Variants in RANBP2 observed in about 807,000 individuals in gnomAD.
RANBP2 encodes the protein E3 SUMO-protein ligase RanBP2.
Under a neutral mutation model 303.6 loss-of-function variants are expected in RANBP2, and 57 were observed. The observed-to-expected ratio is 0.19, with a 90% CI of 0.15 to 0.23. The LOEUF (loss-of-function observed/expected upper bound fraction) is 0.23, where lower values mean the gene tolerates loss of function less well. Among genes scored for constraint, RANBP2 ranks in the 10% least tolerant of loss-of-function variants. The pLI, the probability that RANBP2 is intolerant of heterozygous loss-of-function variation, is 1.00. For synonymous variants in RANBP2, 1,167 were observed against 1,301.5 expected, an observed-to-expected ratio of 0.90 and a Z score of 2.23; for missense variants, 3,138 against 3,780.8, an observed-to-expected ratio of 0.83 and a Z score of 4.46.
At chr2:109,445,561 A>C in the RANBP2 span, among the ~76,000 whole-genome samples, 2 of 152,236 alleles carry the variant, frequency 1.3e-5, no homozygotes, top group African/African-American at 4.8e-5. Flanking sequence ...AAAGAGGACA[A>C]GGTATAGAAG....
chr2:109,040,145 G>A, the RANBP2 span, among the ~76,000 whole-genome samples: 2 of 151,990 alleles, frequency 1.3e-5, no homozygotes, highest in Non-Finnish European at 2.9e-5. Context: ...GCATGAAGTG[G>A]GGGTCACGTT....
rs554169252 is a variant in RANBP2, at chr2:108,779,262, A to G, written c.8600-2007A>G. 1.1e-4 allele frequency among the ~76,000 whole-genome samples: 16 copies of G among 152,282 alleles called. No individual in the cohort carries two copies. The South Asian group carries it at 3.1e-3, about 30-fold the overall frequency. ...ACTGCAACCTCTGCTTGCTAGGTTCAAGTGATCTCCTGCCTCAGCCTCCTG... is the reference window on the plus strand; with the variant it reads ...ACTGCAACCTCTGCTTGCTAGGTTCGAGTGATCTCCTGCCTCAGCCTCCTG... On this transcript the variant is annotated intron_variant, in intron 25 of 28. Coordinates refer to ENST00000283195, the MANE Select transcript of RANBP2 (RefSeq NM_006267.5).
the RANBP2 span, among the ~76,000 whole-genome samples, chr2:109,393,183 G>A: frequency 6.6e-6 from 1 of 152,206 alleles, no homozygotes; most frequent in African/African-American, 2.4e-5. Context: ...CAGCCTTGGT[G>A]GCCTCTGCCG....
the RANBP2 span, among the ~76,000 whole-genome samples, chr2:109,233,431 G>A: frequency 3.3e-5 from 5 of 152,176 alleles, no homozygotes; most frequent in Non-Finnish European, 5.9e-5. Flanking sequence ...CAGACACTTC[G>A]TGTCTTCCCT....
At chr2:108,786,129 CAAA>C (rs5833303), downstream of RANBP2, among the ~76,000 whole-genome samples, 4 of 143,914 alleles carry the variant, frequency 2.8e-5, no homozygotes, top group African/African-American at 1.0e-4. Flanking sequence ...TTTTTCTTTT[CAAA>C]AAAAAAAAGT....
At chr2:108,756,166 C>A (rs917381098) in intron 17 of RANBP2, among the ~76,000 whole-genome samples, 2 of 152,120 alleles carry the variant, frequency 1.3e-5, no homozygotes, top group Non-Finnish European at 2.9e-5. Flanking sequence ...GAACTGCTAC[C>A]ATGTACTAAT....
At chr2:108,804,425 G>A in the RANBP2 span, among the ~76,000 whole-genome samples, 1 of 152,066 alleles carries the variant, frequency 6.6e-6, no homozygotes, top group Non-Finnish European at 1.5e-5. Flanking sequence ...AATTTTAGCT[G>A]CTTTATGAGG....
At chr2:108,814,793 G>T in the RANBP2 span, among the ~76,000 whole-genome samples, 1 of 150,984 alleles carries the variant, frequency 6.6e-6, no homozygotes, top group Non-Finnish European at 1.5e-5. Context: ...CCACCACCAC[G>T]CCTGGCTAAT....
At chr2:109,255,270 C>T in the RANBP2 span, among the ~76,000 whole-genome samples, 1 of 152,158 alleles carries the variant, frequency 6.6e-6, no homozygotes, top group Admixed American at 6.5e-5. Context: ...GTGAATGGGT[C>T]ACACTGTCAC....
chr2:109,475,503 C>T, the RANBP2 span, among the ~76,000 whole-genome samples: 3 of 152,222 alleles, frequency 2.0e-5, no homozygotes, highest in African/African-American at 7.2e-5. Flanking sequence ...TGAAGCCACC[C>T]ACCTACTTCT....
chr2:109,075,433 C>T, the RANBP2 span, among the ~76,000 whole-genome samples: 5 of 150,368 alleles, frequency 3.3e-5, no homozygotes, highest in East Asian at 3.9e-4. Context: ...ACCATGTTGG[C>T]CAGGCTGGTC....
the RANBP2 span, chr2:108,912,877 T>C: frequency 1.3e-4 from 106 of 831,634 alleles, no homozygotes; most frequent in East Asian, 2.7e-3. Flanking sequence ...GAGGCAGTGA[T>C]GGCTGAGGGG....
the RANBP2 span, among the ~76,000 whole-genome samples, chr2:109,737,930 T>C: frequency 6.6e-6 from 1 of 152,232 alleles, no homozygotes; most frequent in African/African-American, 2.4e-5. Flanking sequence ...GGTTATTTGT[T>C]GTTGTGTTTT....
chr2:108,740,754 G>T, intron 7 of RANBP2, 73 bp downstream of exon 7: 2 of 1,595,070 alleles, frequency 1.3e-6, no homozygotes, highest in Non-Finnish European at 8.5e-7. Flanking sequence ...GGTGTGCTCT[G>T]GTATGTAATG....
At chr2:109,423,488 A>G in the RANBP2 span, among the ~76,000 whole-genome samples, 1 of 152,190 alleles carries the variant, frequency 6.6e-6, no homozygotes, top group African/African-American at 2.4e-5. Flanking sequence ...TGACCAAACC[A>G]TGCCAACACA....
chr2:109,486,401 G>A, the RANBP2 span, among the ~76,000 whole-genome samples: 4 of 152,190 alleles, frequency 2.6e-5, no homozygotes, highest in African/African-American at 9.7e-5. Context: ...CAAGGCAGGT[G>A]GAGGTCTTGG....
At chr2:108,910,780 G>A in the RANBP2 span, 91 of 1,613,042 alleles carry the variant, frequency 5.6e-5, 1 homozygote, top group African/African-American at 1.0e-3. Context: ...ACAGACCTGG[G>A]GCCTCTTTCT....
downstream of RANBP2, chr2:108,788,674 T>C (rs967486768): frequency 1.1e-5 from 4 of 368,846 alleles, no homozygotes; most frequent in Admixed American, 6.6e-5. Flanking sequence ...GAGCCGAGAT[T>C]GCGCCACTGC....
chr2:109,174,563 G>A, the RANBP2 span, among the ~76,000 whole-genome samples: 156 of 152,346 alleles, frequency 1.0e-3, no homozygotes, highest in African/African-American at 3.6e-3. Context: ...AACCCATGGT[G>A]TCTGGAATTC....
Sources: allele counts gnomAD v4.1 joint callset (sites outside exome capture counted in the v4.1 genomes callset), GRCh38; gene constraint gnomAD v4.1.1; transcripts MANE v1.5; gene names NCBI Gene and HGNC (gene_info 2026-07-23, HGNC 2026-07-21).